Variants in SPAG16 observed in about 807,000 individuals in gnomAD.
The protein encoded by SPAG16 is sperm associated antigen 16, also known as sperm-associated antigen 16 protein.
A neutral mutation model predicts 80.4 loss-of-function variants in SPAG16; 86 were observed. The observed-to-expected ratio is 1.07, with a 90% CI of 0.90 to 1.28. SPAG16 has a LOEUF of 1.28. Ranked by LOEUF, SPAG16 falls within the 50% of genes most tolerant of loss-of-function variation. The pLI is 0.00. For synonymous variants in SPAG16, 294 were observed against 265.9 expected (o/e 1.11, Z -1.03); for missense variants, 870 against 765.3 (o/e 1.14, Z -1.61).
chr2:213,903,695 C>T (rs1392239714), intron 11 of SPAG16, among the ~76,000 whole-genome samples: 1 of 152,204 alleles, frequency 6.6e-6, no homozygotes, highest in Non-Finnish European at 1.5e-5. Flanking sequence ...CAAATCTCTG[C>T]AGCTGGCTTG....
intron 10 of SPAG16, among the ~76,000 whole-genome samples, chr2:213,754,436 T>C (rs552382315): frequency 1.3e-5 from 2 of 152,334 alleles, no homozygotes; most frequent in South Asian, 4.1e-4. Context: ...TTGAGTGTTA[T>C]AATAAAATAT....
At chr2:214,086,686 T>C (rs944452137) in intron 13 of SPAG16, among the ~76,000 whole-genome samples, 2 of 152,132 alleles carry the variant, frequency 1.3e-5, no homozygotes. Flanking sequence ...TTACCCAGTC[T>C]CCAGAAGTTC....
intron 10 of SPAG16, among the ~76,000 whole-genome samples, chr2:213,787,106 A>C (rs1448866227): frequency 2.0e-5 from 3 of 152,150 alleles, no homozygotes; most frequent in African/African-American, 7.2e-5. Context: ...AAAAATAGCT[A>C]ATGTATGCTG....
intron 15 of SPAG16, among the ~76,000 whole-genome samples, chr2:214,286,547 G>A (rs1181058193): frequency 3.3e-5 from 5 of 152,262 alleles, no homozygotes; most frequent in Non-Finnish European, 7.4e-5. Context: ...AGGAGTTGGA[G>A]ACCAGCCTGG....
chr2:214,006,120 C>A (rs1369081411), intron 12 of SPAG16, among the ~76,000 whole-genome samples: 1 of 151,932 alleles, frequency 6.6e-6, no homozygotes, highest in African/African-American at 2.4e-5. Context: ...ATTTTTTAAT[C>A]TTTTTTTCAT....
chr2:214,207,983 C>A (rs1459027867), intron 15 of SPAG16, among the ~76,000 whole-genome samples: 1 of 152,230 alleles, frequency 6.6e-6, no homozygotes, highest in African/African-American at 2.4e-5. Context: ...CTGTCAGCTT[C>A]CCTACTTTTG....
chr2:213,373,852 G>A (rs2066762487), intron 8 of SPAG16, among the ~76,000 whole-genome samples: 1 of 152,182 alleles, frequency 6.6e-6, no homozygotes, highest in African/African-American at 2.4e-5. Context: ...GATCAATGAG[G>A]CATGAATGTT....
chr2:213,587,168 T>G (rs574207425), intron 10 of SPAG16, among the ~76,000 whole-genome samples: 9 of 152,316 alleles, frequency 5.9e-5, no homozygotes, highest in African/African-American at 2.2e-4. Context: ...GTGGAGACTC[T>G]GACAATGAGG....
intron 12 of SPAG16, among the ~76,000 whole-genome samples, chr2:213,996,115 G>A (rs2046503613): frequency 6.6e-6 from 1 of 152,182 alleles, no homozygotes; most frequent in African/African-American, 2.4e-5. Context: ...GAATTACAAA[G>A]CCTGTTTCCC....
At chr2:213,367,413 A>T (rs1198001082) in intron 8 of SPAG16, among the ~76,000 whole-genome samples, 1 of 152,228 alleles carries the variant, frequency 6.6e-6, no homozygotes, top group Non-Finnish European at 1.5e-5. Context: ...CAGCAGTGTA[A>T]AAGTGTTCCT....
intron 14 of SPAG16, among the ~76,000 whole-genome samples, chr2:214,131,753 A>T (rs1346316731): frequency 6.6e-6 from 1 of 152,214 alleles, no homozygotes; most frequent in African/African-American, 2.4e-5. Context: ...ATTCTGGAAA[A>T]GGCAAAACTG....
At chr2:214,297,186 A>G (rs1694194976) in intron 15 of SPAG16, among the ~76,000 whole-genome samples, 1 of 152,088 alleles carries the variant, frequency 6.6e-6, no homozygotes, top group African/African-American at 2.4e-5. Flanking sequence ...GAGTTTTTTG[A>G]GTCCTTTGTA....
At chr2:213,571,588 G>A (rs1576014470) in intron 10 of SPAG16, among the ~76,000 whole-genome samples, 2 of 17,400 alleles carry the variant, frequency 1.1e-4, no homozygotes, top group East Asian at 1.2e-3. Context: ...TGGCTTGTAG[G>A]GTTTCTGCCG....
At chr2:214,347,453 T>G (rs539353936) in intron 15 of SPAG16, among the ~76,000 whole-genome samples, 1 of 152,058 alleles carries the variant, frequency 6.6e-6, no homozygotes, top group African/African-American at 2.4e-5. Context: ...AAAGATCAAA[T>G]CCTGGGCATT....
At chr2:213,421,554 G>A (rs1355666476) in intron 9 of SPAG16, among the ~76,000 whole-genome samples, 3 of 152,208 alleles carry the variant, frequency 2.0e-5, no homozygotes, top group Non-Finnish European at 2.9e-5. Context: ...CCTAAAGCCT[G>A]GGGGCCAGGC....
rs188106387 is a variant in SPAG16 at position 214,146,139 on chromosome 2, G to T, written c.1594-3001G>T. ...TTCTTTGAAATATTTCTTAATTTAC[G>T]TTAAATGCCTTAAACTATAGCTTGA... On this transcript the variant is annotated intron_variant, in intron 14 of 15. Coordinates refer to ENST00000331683, the MANE Select transcript of SPAG16 (RefSeq NM_024532.5). Among the ~76,000 whole-genome samples, 5 of 152,092 alleles carry T rather than the reference G, an allele frequency of 3.3e-5. No individual in the cohort carries two copies. The East Asian group carries it at 5.8e-4, about 18-fold the overall frequency.
Position 214,233,137 on chromosome 2 carries a change from C to G in SPAG16, c.1720+83871C>G, listed in dbSNP as rs192618992. 5.3e-5 allele frequency among the ~76,000 whole-genome samples: 8 copies of G among 151,892 alleles called. No individual in the cohort carries two copies. The East Asian group carries it at 1.4e-3, about 26-fold the overall frequency. ...CACAGCAAGTCAAAAAAAGGGGGGGCCATAAGTGTTAGCATAGAGGTTTGC... is the reference window on the plus strand; with the variant it reads ...CACAGCAAGTCAAAAAAAGGGGGGGGCATAAGTGTTAGCATAGAGGTTTGC... On this transcript the variant is annotated intron_variant, in intron 15 of 15. Coordinates refer to ENST00000331683, the MANE Select transcript of SPAG16 (RefSeq NM_024532.5).
intron 8 of SPAG16, among the ~76,000 whole-genome samples, chr2:213,370,655 T>C (rs1436385483): frequency 1.3e-5 from 2 of 152,238 alleles, no homozygotes; most frequent in Non-Finnish European, 2.9e-5. Flanking sequence ...CGATTCATTC[T>C]ACTCTAATGG....
chr2:214,284,294 C>T (rs1262829520), intron 15 of SPAG16, among the ~76,000 whole-genome samples: 1 of 152,192 alleles, frequency 6.6e-6, no homozygotes, highest in African/African-American at 2.4e-5. Flanking sequence ...ATTGTATCAG[C>T]TCTCCAAAAC....
Sources: gnomAD v4.1 joint callset for allele counts (sites outside exome capture counted in the v4.1 genomes callset) on GRCh38, gnomAD v4.1.1 for gene constraint, MANE v1.5 for transcripts, NCBI Gene and HGNC (gene_info 2026-07-23, HGNC 2026-07-21) for gene names.